Variants in PCOLCE2 observed in about 807,000 individuals in gnomAD.
PCOLCE2 encodes the protein procollagen C-endopeptidase enhancer 2, also known as procollagen C-proteinase enhancer 2.
In PCOLCE2, 42 loss-of-function variants were observed where a neutral mutation model predicts 47.0. That is an observed-to-expected ratio of 0.89 (90% CI 0.70 to 1.16). The LOEUF is 1.16. Ranked by LOEUF, PCOLCE2 falls within the 50% of genes most tolerant of loss-of-function variation. The probability of loss-of-function intolerance (pLI) is 0.00; values close to 1 mark genes in which losing one functional copy is unlikely to be tolerated. For missense variants in PCOLCE2, 500 were observed against 526.1 expected (o/e 0.95, Z 0.49); for synonymous variants, 169 against 191.7 (o/e 0.88, Z 0.98).
chr3:142,870,630 T>C lies in PCOLCE2; in HGVS notation c.192+17039A>G, dbSNP rs542796749. 9.7e-4 allele frequency among the ~76,000 whole-genome samples: 147 copies of C among 152,274 alleles called. 1 individual carries two copies. The highest frequency in any genetic ancestry group is 3.5e-3 in the African/African-American group (144 of 41,538). On this transcript the variant is annotated intron_variant, in intron 2 of 8. Transcript: ENST00000295992. ...CTCAGGCTAGGAAAGAAACAGGATT[T>C]ATTCCTGTGATACACCAGAGCAAGC... is the stretch of plus-strand genomic sequence containing the variant.
chr3:142,847,046 T>C (rs901894247), intron 3 of PCOLCE2, among the ~76,000 whole-genome samples: 3 of 152,258 alleles, frequency 2.0e-5, no homozygotes, highest in Non-Finnish European at 4.4e-5. Context: ...TTATGCATGA[T>C]ACATTATACT....
intron 2 of PCOLCE2, among the ~76,000 whole-genome samples, chr3:142,881,827 G>A (rs73232757): frequency 0.12 from 18,301 of 152,126 alleles, 1,372 homozygotes; most frequent in South Asian, 0.2. Context: ...TATAAAGATG[G>A]TAATACTTGA....
chr3:142,849,966 G>T (rs1937371631), intron 2 of PCOLCE2, among the ~76,000 whole-genome samples: 1 of 152,192 alleles, frequency 6.6e-6, no homozygotes. Context: ...CTTCATCGTA[G>T]AAATTATAAT....
At chr3:142,869,676 T>A (rs538668068) in intron 2 of PCOLCE2, among the ~76,000 whole-genome samples, 5 of 152,324 alleles carry the variant, frequency 3.3e-5, no homozygotes, top group African/African-American at 1.2e-4. Context: ...TGATTCCAGG[T>A]CTTTAGATAC....
intron 5 of PCOLCE2, among the ~76,000 whole-genome samples, chr3:142,837,640 C>CT (rs1482031351): frequency 1.3e-5 from 2 of 152,134 alleles, no homozygotes; most frequent in Non-Finnish European, 2.9e-5. Flanking sequence ...TCAGCTGTTG[C>CT]TTTTACTAAT....
chr3:142,843,968 T>G lies in PCOLCE2; in HGVS notation c.449-920A>C, dbSNP rs189675452. On this transcript the variant is annotated intron_variant, in intron 3 of 8. Coordinates refer to ENST00000295992, the MANE Select transcript of PCOLCE2 (RefSeq NM_013363.4). ...ATACAAAGTAAGTAGAATAATATAA[T>G]GACCTCCTACATATCCATTACCCAG... is the stretch of plus-strand genomic sequence containing the variant. 2.0e-5 allele frequency among the ~76,000 whole-genome samples: 3 copies of G among 152,302 alleles called. No homozygotes were observed. The East Asian group carries it at 5.8e-4, about 29-fold the overall frequency.
chr3:142,888,921 C>A lies in PCOLCE2; in HGVS notation c.-25G>T, dbSNP rs2108215819. 1.5e-6 allele frequency: 2 copies of A among 1,338,774 alleles called. No individual in the cohort carries two copies. Among genetic ancestry groups the A allele is most frequent in the Middle Eastern group, 2.3e-4 (1 of 4,256 alleles). 82.9% of individuals were successfully genotyped at this position (1,338,774 alleles called of 1,614,324 possible). Reference sequence around the variant, plus strand: ...TGGCAGCGTAGACGCTCGGGGTTTGCACCCCACGGCGCGCGCGCCGGCACA... The same window carrying A: ...TGGCAGCGTAGACGCTCGGGGTTTGAACCCCACGGCGCGCGCGCCGGCACA... On this transcript the variant is annotated 5_prime_UTR_variant, in exon 1 of 9. Transcript: ENST00000295992.
intron 2 of PCOLCE2, among the ~76,000 whole-genome samples, chr3:142,877,010 C>T (rs1002264176): frequency 1.3e-5 from 2 of 152,306 alleles, no homozygotes; most frequent in African/African-American, 2.4e-5. Context: ...TTAGAAAATA[C>T]ACTCTTAACC....
At position 142,842,859 on chromosome 3, in the gene PCOLCE2, G is replaced by T. The variant is rs1937279188; in HGVS notation, c.573+65C>A. ...CCACAACAGGAGGCTCTTGAGAGTT[G>T]GTGGGCCCCCCACACTGGGCAATTC... On this transcript the variant is annotated intron_variant, in intron 4 of 8. Coordinates refer to ENST00000295992, the MANE Select transcript of PCOLCE2 (RefSeq NM_013363.4). The surrounding 1 kb of genome is among the most constrained non-coding windows in gnomAD (Gnocchi z 4.1). The T allele has an allele frequency of 6.5e-7, 1 of 1,546,334 alleles. No individual in the cohort carries two copies. The highest frequency in any genetic ancestry group is 8.9e-7 in the Non-Finnish European group (1 of 1,124,488).
At chr3:142,820,346 A>G (rs1451075311) in intron 8 of PCOLCE2, among the ~76,000 whole-genome samples, 1 of 152,216 alleles carries the variant, frequency 6.6e-6, no homozygotes, top group African/African-American at 2.4e-5. Context: ...AACATATGTT[A>G]CTTTTATAAG....
chr3:142,818,512 G>C (rs1316571464), intron 8 of PCOLCE2, 47 bp from the exon 9 acceptor site: 1 of 1,441,328 alleles, frequency 6.9e-7, no homozygotes, highest in Admixed American at 1.7e-5. Context: ...TATGTATCAT[G>C]TGTGAAACAA....
At chr3:142,845,607 G>A (rs1358208311) in intron 3 of PCOLCE2, among the ~76,000 whole-genome samples, 1 of 152,114 alleles carries the variant, frequency 6.6e-6, no homozygotes, top group African/African-American at 2.4e-5. Context: ...ATCTGAAAAT[G>A]TCTTCATTTT....
intron 5 of PCOLCE2, among the ~76,000 whole-genome samples, chr3:142,838,398 C>A (rs1198041173): frequency 1.3e-5 from 2 of 152,072 alleles, no homozygotes; most frequent in African/African-American, 4.8e-5. Flanking sequence ...ACAGTGAGCT[C>A]TCTGCTCTCT....
At chr3:142,844,350 T>G (rs929370789) in intron 3 of PCOLCE2, among the ~76,000 whole-genome samples, 2 of 152,220 alleles carry the variant, frequency 1.3e-5, no homozygotes, top group Non-Finnish European at 2.9e-5. Context: ...TGGACTATTG[T>G]GAATGAAGCT....
rs541796691 is a variant in PCOLCE2, at chr3:142,835,311, A to T, written c.710+3459T>A. On this transcript the variant is annotated intron_variant, in intron 5 of 8. Coordinates refer to ENST00000295992, the MANE Select transcript of PCOLCE2 (RefSeq NM_013363.4). Reference sequence around the variant, plus strand: ...TACAATTATTACATCTGCCTGATAAATTGCATCATTTATCATTTATATAGC... The same window carrying T: ...TACAATTATTACATCTGCCTGATAATTTGCATCATTTATCATTTATATAGC... 1.7e-4 allele frequency among the ~76,000 whole-genome samples: 26 copies of T among 152,310 alleles called. 1 individual carries two copies. In the East Asian group the frequency reaches 4.0e-3, roughly 24 times the overall value.
At position 142,888,819 on chromosome 3, in the gene PCOLCE2, TG is replaced by T; in HGVS notation, c.77del (p.Pro26GlnfsTer45). On this transcript the variant is annotated frameshift_variant, in exon 1 of 9. Transcript: ENST00000295992. LOFTEE classifies it high-confidence loss of function. The stretch of plus-strand genomic sequence containing the variant: ...CCGGGCAGGGGTCGCGTTACCTCTC[TG>T]GGGACTGCTGCCGCGAGAGCTGGGT... ...AATQLSRQQSPERPVFTCGGI... is the reference protein window; with the variant it reads ...AATQLSRQQSXERPVFTCGGI... The T allele has an allele frequency of 6.5e-7, 1 of 1,535,760 alleles. No individual in the cohort carries two copies. The highest frequency in any genetic ancestry group is 8.7e-7 in the Non-Finnish European group (1 of 1,143,678).
chr3:142,845,837 TG>T (rs1176364808), intron 3 of PCOLCE2, among the ~76,000 whole-genome samples: 1 of 152,070 alleles, frequency 6.6e-6, no homozygotes, highest in Non-Finnish European at 1.5e-5. Flanking sequence ...TAGCCAGGCA[TG>T]GTGGCGCATG....
chr3:142,833,231 C>G (rs1174555679), intron 5 of PCOLCE2, among the ~76,000 whole-genome samples: 1 of 152,116 alleles, frequency 6.6e-6, no homozygotes, highest in Non-Finnish European at 1.5e-5. Flanking sequence ...CTCTGTCGCC[C>G]AGGCTGGAGT....
chr3:142,850,135 C>T (rs1295227572), intron 2 of PCOLCE2, among the ~76,000 whole-genome samples: 1 of 152,088 alleles, frequency 6.6e-6, no homozygotes, highest in Non-Finnish European at 1.5e-5. Flanking sequence ...ACATTATCAC[C>T]AAGATGTCTG....
Sources: gnomAD v4.1 joint callset for allele counts (sites outside exome capture counted in the v4.1 genomes callset) on GRCh38, gnomAD v4.1.1 for gene constraint, Gnocchi (gnomAD v3.1) non-coding constraint, MANE v1.5 for transcripts, NCBI Gene and HGNC (gene_info 2026-07-23, HGNC 2026-07-21) for gene names.